Variants in BBX observed in about 807,000 individuals in gnomAD.
The protein encoded by BBX is HMG box transcription factor BBX.
Under a neutral mutation model 100.2 loss-of-function variants are expected in BBX, and 30 were observed. The observed-to-expected ratio is 0.30, with a 90% CI of 0.22 to 0.41. BBX has a LOEUF of 0.41. Ranked by LOEUF, BBX falls within the 10% of genes least tolerant of loss-of-function variation. BBX has a pLI of 1.00. For synonymous variants in BBX, 376 were observed against 388.1 expected (o/e 0.97, Z 0.37); for missense variants, 1,023 against 1,129.8 (o/e 0.91, Z 1.35).
At chr3:107,713,502 A>C (rs972679113) in intron 4 of BBX, among the ~76,000 whole-genome samples, 7 of 152,204 alleles carry the variant, frequency 4.6e-5, no homozygotes, top group African/African-American at 7.2e-5. Flanking sequence ...TGGGGAAAGA[A>C]AAATAAGTTC....
intron 5 of BBX, among the ~76,000 whole-genome samples, chr3:107,726,736 GAAAT>G (rs1416307282): frequency 2.0e-5 from 3 of 152,076 alleles, no homozygotes; most frequent in African/African-American, 7.2e-5. Flanking sequence ...TGTGTAAAAA[GAAAT>G]AATGTATTTA....
At chr3:107,740,870 A>T (rs1453837794) in intron 7 of BBX, among the ~76,000 whole-genome samples, 1 of 151,018 alleles carries the variant, frequency 6.6e-6, no homozygotes, top group East Asian at 2.0e-4. Flanking sequence ...TTATGCACTT[A>T]CATTTTTGTA....
chr3:107,684,111 T>C (rs549696591), intron 3 of BBX, among the ~76,000 whole-genome samples: 2 of 152,346 alleles, frequency 1.3e-5, no homozygotes, highest in South Asian at 4.1e-4. Context: ...GAAAATTGTC[T>C]TTCTAAATTC....
chr3:107,748,240 T>A (rs2064789044), intron 9 of BBX, among the ~76,000 whole-genome samples: 1 of 152,202 alleles, frequency 6.6e-6, no homozygotes, highest in Non-Finnish European at 1.5e-5. Flanking sequence ...TTTACACCCA[T>A]TTTATAAGTA....
At chr3:107,553,186 C>T (rs993761738) in intron 2 of BBX, among the ~76,000 whole-genome samples, 2 of 152,128 alleles carry the variant, frequency 1.3e-5, no homozygotes, top group Non-Finnish European at 2.9e-5. Flanking sequence ...TTCATAAAAT[C>T]CTCTGTATTC....
rs780683720 is a variant in BBX at position 107,805,378 on chromosome 3, G to A, written c.2747G>A (p.Arg916Lys). The change falls in exon 18 of 18, where the codon AGG becomes AAG. Residue 916 changes from arginine to lysine, a missense_variant. This residue lies in a region of BBX where 104 missense variants were observed against 132.2 expected (regional missense o/e 0.79). Coordinates refer to ENST00000325805, the MANE Select transcript of BBX (RefSeq NM_001142568.3). ...AAMENVHRGQRSTPLTHDGQP... is the reference protein window; with the variant it reads ...AAMENVHRGQKSTPLTHDGQP... ...TTCCTTTTATTTTACAGAGGTCAGA[G>A]GTCAACTCCGCTCACCCATGATGGA... 2 of 1,613,488 alleles carry A rather than the reference G, an allele frequency of 1.2e-6. No individual in the cohort carries two copies. The highest frequency in any genetic ancestry group is 8.5e-7 in the Non-Finnish European group (1 of 1,179,652).
chr3:107,682,146 T>C (rs1172894951), intron 3 of BBX, among the ~76,000 whole-genome samples: 2 of 152,134 alleles, frequency 1.3e-5, no homozygotes, highest in Non-Finnish European at 1.5e-5. Context: ...TTCATGAAGA[T>C]GTTAGGAACA....
chr3:107,533,564 G>C (rs1051677327), intron 2 of BBX, among the ~76,000 whole-genome samples: 2 of 152,170 alleles, frequency 1.3e-5, no homozygotes, highest in Admixed American at 6.5e-5. Context: ...AGGCTTCTGG[G>C]TAAGGAAAGC....
intron 2 of BBX, among the ~76,000 whole-genome samples, chr3:107,577,133 A>G (rs1459953626): frequency 1.3e-5 from 2 of 152,194 alleles, no homozygotes; most frequent in African/African-American, 4.8e-5. Flanking sequence ...TGCTGGGATT[A>G]CAGGTGTAAG....
chr3:107,573,401 T>C (rs1409136801), intron 2 of BBX, among the ~76,000 whole-genome samples: 1 of 152,006 alleles, frequency 6.6e-6, no homozygotes, highest in Admixed American at 6.6e-5. Flanking sequence ...CTACTAAAAA[T>C]ACAAAAATTA....
chr3:107,617,988 C>T (rs60866212), intron 2 of BBX, among the ~76,000 whole-genome samples: 9,780 of 151,622 alleles, frequency 0.065, 1,055 homozygotes, highest in African/African-American at 0.22. Context: ...CAGTATTTTT[C>T]TCTTGTAGTG....
intron 2 of BBX, among the ~76,000 whole-genome samples, chr3:107,583,931 A>T (rs2052474982): frequency 1.0e-5 from 1 of 99,794 alleles, no homozygotes; most frequent in South Asian, 2.4e-4. Context: ...TATATATAAT[A>T]TATATATTAT....
At chr3:107,532,000 C>T (rs1330425686) in intron 2 of BBX, among the ~76,000 whole-genome samples, 1 of 151,866 alleles carries the variant, frequency 6.6e-6, no homozygotes, top group Non-Finnish European at 1.5e-5. Context: ...TAAGACTAGC[C>T]CGGGCAACAT....
intron 2 of BBX, among the ~76,000 whole-genome samples, chr3:107,527,594 A>C (rs948588108): frequency 7.9e-5 from 12 of 152,214 alleles, no homozygotes; most frequent in African/African-American, 2.9e-4. Context: ...TGCATTGAAC[A>C]TTTAGAAAAT....
intron 3 of BBX, among the ~76,000 whole-genome samples, chr3:107,648,731 C>T (rs1008038045): frequency 3.3e-5 from 5 of 152,122 alleles, no homozygotes; most frequent in Non-Finnish European, 5.9e-5. Flanking sequence ...ATTATTATCT[C>T]TTGAATCTTC....
At chr3:107,619,817 T>G (rs1364833409) in intron 2 of BBX, among the ~76,000 whole-genome samples, 1 of 152,154 alleles carries the variant, frequency 6.6e-6, no homozygotes, top group East Asian at 1.9e-4. Context: ...TTGAATGTTA[T>G]TCCCATATAA....
intron 3 of BBX, among the ~76,000 whole-genome samples, chr3:107,675,797 C>T (rs2059251310): frequency 6.6e-6 from 1 of 152,120 alleles, no homozygotes; most frequent in Non-Finnish European, 1.5e-5. Flanking sequence ...ACCTTTAACT[C>T]CTGTGGGTCT....
At chr3:107,722,860 TA>T (rs1304680017) in intron 5 of BBX, among the ~76,000 whole-genome samples, 1 of 151,996 alleles carries the variant, frequency 6.6e-6, no homozygotes, top group East Asian at 1.9e-4. Context: ...GTCCTCAAAC[TA>T]AGGAAGTAAC....
intron 3 of BBX, among the ~76,000 whole-genome samples, chr3:107,683,859 G>A (rs528011882): frequency 1.1e-4 from 17 of 152,300 alleles, no homozygotes; most frequent in African/African-American, 4.1e-4. Flanking sequence ...GCCTGCACAT[G>A]TGTTAACCTT....
Sources: allele counts gnomAD v4.1 joint callset (sites outside exome capture counted in the v4.1 genomes callset), GRCh38; gene constraint gnomAD v4.1.1; regional missense constraint gnomAD v4.1.1; transcripts MANE v1.5; gene names NCBI Gene and HGNC (gene_info 2026-07-23, HGNC 2026-07-21).